The following DIAPH3 variants were observed in gnomAD, a reference collection of about 807,000 sequenced individuals.
DIAPH3 encodes diaphanous related formin 3.
In DIAPH3, 117 loss-of-function variants were observed where a neutral mutation model predicts 144.3. The ratio of observed to expected loss-of-function variants is 0.81; its 90% confidence interval spans 0.70 to 0.95. The LOEUF is 0.95. Among genes scored for constraint, DIAPH3 ranks in the 40% least tolerant of loss-of-function variants. The pLI is 0.00. For missense variants in DIAPH3, 1,421 were observed against 1,412.7 expected, an observed-to-expected ratio of 1.01 and a Z score of -0.09; for synonymous variants, 519 against 488.9, an observed-to-expected ratio of 1.06 and a Z score of -0.81.
At chr13:60,004,592 T>C (rs1035208462) in intron 9 of DIAPH3, among the ~76,000 whole-genome samples, 2 of 152,174 alleles carry the variant, frequency 1.3e-5, no homozygotes, top group African/African-American at 4.8e-5. Flanking sequence ...AAAATAAGAA[T>C]GTAAAACAAT....
chr13:59,786,920 G>A (rs1334339897), intron 25 of DIAPH3, among the ~76,000 whole-genome samples: 1 of 152,066 alleles, frequency 6.6e-6, no homozygotes, highest in Non-Finnish European at 1.5e-5. Flanking sequence ...ACTAGCCTGG[G>A]CAACATAGTG....
intron 9 of DIAPH3, among the ~76,000 whole-genome samples, chr13:60,003,396 T>G (rs1000570492): frequency 2.0e-5 from 3 of 151,940 alleles, no homozygotes; most frequent in Admixed American, 6.6e-5. Context: ...CCAGAGTGAT[T>G]ATGTTGCTTG....
At chr13:59,863,255 A>T (rs1256614728) in intron 21 of DIAPH3, among the ~76,000 whole-genome samples, 1 of 151,822 alleles carries the variant, frequency 6.6e-6, no homozygotes, top group Non-Finnish European at 1.5e-5. Context: ...TTAAGTAATC[A>T]TTTAGAGCAG....
chr13:59,666,870 T>C, intron 27 of DIAPH3, 24 bp from the exon 28 acceptor site: 1 of 1,613,846 alleles, frequency 6.2e-7, no homozygotes, highest in Non-Finnish European at 8.5e-7. Flanking sequence ...AAAAGAAACA[T>C]AAAACTTATC....
At chr13:60,026,248 T>C (rs2054364787) in intron 5 of DIAPH3, among the ~76,000 whole-genome samples, 1 of 152,050 alleles carries the variant, frequency 6.6e-6, no homozygotes, top group Non-Finnish European at 1.5e-5. Flanking sequence ...ATAATTAATA[T>C]TATATAAACA....
chr13:59,916,399 G>A lies in DIAPH3; in HGVS notation c.2171-150C>T. 7.5e-6 allele frequency: 5 copies of A among 670,070 alleles called. No homozygotes were observed. In the South Asian group the frequency reaches 8.6e-5, roughly 12 times the overall value. The allele number at this position is 670,070 out of a possible 1,614,324, so 41.5% of individuals were successfully genotyped here. ...TGTTTGGGGGAAACATATTATGGGG[G>A]AAACTTTCATTACTACATTTTATAC... On this transcript the variant is annotated intron_variant, in intron 18 of 27. Coordinates refer to ENST00000400324, the MANE Select transcript of DIAPH3 (RefSeq NM_001042517.2).
intron 27 of DIAPH3, among the ~76,000 whole-genome samples, chr13:59,756,405 G>C (rs565156553): frequency 6.9e-6 from 1 of 144,266 alleles, no homozygotes; most frequent in Non-Finnish European, 1.5e-5. Context: ...GGTAAATTTA[G>C]TAAAAAGGAA....
At chr13:59,895,918 A>T (rs1461928864) in intron 20 of DIAPH3, among the ~76,000 whole-genome samples, 1 of 152,212 alleles carries the variant, frequency 6.6e-6, no homozygotes, top group Non-Finnish European at 1.5e-5. Flanking sequence ...AAGACAGAAA[A>T]TAGGGACAAG....
chr13:59,864,337 T>C (rs1024255771), intron 21 of DIAPH3, among the ~76,000 whole-genome samples: 1 of 152,072 alleles, frequency 6.6e-6, no homozygotes, highest in African/African-American at 2.4e-5. Context: ...AAAAGCACCC[T>C]AGTAGCAAAG....
In DIAPH3 at chr13:59,980,902, A is replaced by C. The variant is rs765436775; in HGVS notation, c.1481-43T>G. ...GGAAATTTTTAATGTGAAACTTCTT[A>C]AACTCATTATGACTTCAAAAGTTTA... is the stretch of plus-strand genomic sequence containing the variant. On this transcript the variant is annotated intron_variant, in intron 13 of 27. Coordinates refer to ENST00000400324, the MANE Select transcript of DIAPH3 (RefSeq NM_001042517.2). 2.0e-4 allele frequency: 308 copies of C among 1,518,100 alleles called. 1 individual carries two copies. Among genetic ancestry groups the C allele is most frequent in the Admixed American group, 1.4e-3 (84 of 59,382 alleles). The allele number at this position is 1,518,100 out of a possible 1,614,324, so 94.0% of individuals were successfully genotyped here. A position where few individuals can be genotyped will look rare whatever the true frequency, so the allele number is the denominator to read the frequency against.
intron 27 of DIAPH3, among the ~76,000 whole-genome samples, chr13:59,696,440 C>T (rs1438240032): frequency 6.6e-6 from 1 of 152,192 alleles, no homozygotes; most frequent in Non-Finnish European, 1.5e-5. Context: ...AAACCTGTTA[C>T]CATGACAGGG....
At chr13:60,008,008 G>A (rs573152879) in intron 9 of DIAPH3, among the ~76,000 whole-genome samples, 4 of 152,162 alleles carry the variant, frequency 2.6e-5, no homozygotes, top group East Asian at 3.9e-4. Context: ...TCTACTACAC[G>A]AAAAGCAACC....
At chr13:59,847,050 A>G (rs1593656260) in intron 22 of DIAPH3, among the ~76,000 whole-genome samples, 1 of 152,174 alleles carries the variant, frequency 6.6e-6, no homozygotes, top group African/African-American at 2.4e-5. Flanking sequence ...CTGCACTCCA[A>G]CCTGGGCGAC....
intron 27 of DIAPH3, among the ~76,000 whole-genome samples, chr13:59,752,699 T>G (rs1464745809): frequency 6.6e-6 from 1 of 152,162 alleles, no homozygotes; most frequent in African/African-American, 2.4e-5. Context: ...CAGTCTCTTT[T>G]AAAACAAGGG....
intron 27 of DIAPH3, among the ~76,000 whole-genome samples, chr13:59,724,242 A>G (rs1478432672): frequency 1.3e-5 from 2 of 152,210 alleles, no homozygotes; most frequent in Non-Finnish European, 2.9e-5. Flanking sequence ...ATTTAAATTT[A>G]ACTGACATTT....
chr13:60,074,464 C>T (rs573804907), intron 4 of DIAPH3, among the ~76,000 whole-genome samples: 38 of 152,288 alleles, frequency 2.5e-4, no homozygotes, highest in East Asian at 2.1e-3. Flanking sequence ...ATTCCTCTAG[C>T]TCTTTATACC....
chr13:60,050,679 T>C (rs898259467), intron 4 of DIAPH3, among the ~76,000 whole-genome samples: 2 of 152,196 alleles, frequency 1.3e-5, no homozygotes, highest in African/African-American at 4.8e-5. Flanking sequence ...GATAGGATCT[T>C]ATAAACCATG....
At chr13:59,856,719 C>A (rs1292633057) in intron 22 of DIAPH3, among the ~76,000 whole-genome samples, 1 of 152,136 alleles carries the variant, frequency 6.6e-6, no homozygotes, top group East Asian at 1.9e-4. Context: ...AGGGCTTTAA[C>A]ATAGGAATTT....
rs547800811 is a variant in DIAPH3 at position 59,839,095 on chromosome 13, A to AAAAT, written c.2862+225_2862+228dup. On this transcript the variant is annotated intron_variant, in intron 23 of 27. Transcript: ENST00000400324. Reference sequence around the variant, plus strand: ...CACCGCACTCCAGCCTGGGTTTCAAAAAATAAATAAATAAATAAATAAACA... The same window carrying AAAAT: ...CACCGCACTCCAGCCTGGGTTTCAAAAAATAAATAAATAAATAAATAAATAAACA... 4.7e-3 allele frequency: 1,903 copies of AAAAT among 405,842 alleles called. 14 individuals are homozygous for AAAAT. The highest frequency in any genetic ancestry group is 0.024 in the African/African-American group (1,160 of 48,714). 25.1% of individuals were successfully genotyped at this position (405,842 alleles called of 1,614,324 possible).
Sources: gnomAD v4.1 joint callset for allele counts (sites outside exome capture counted in the v4.1 genomes callset) on GRCh38, gnomAD v4.1.1 for gene constraint, MANE v1.5 for transcripts, NCBI Gene and HGNC (gene_info 2026-07-23, HGNC 2026-07-21) for gene names.